Variants in KIF1B observed in about 807,000 individuals in gnomAD.
The protein encoded by KIF1B is kinesin-like protein KIF1B.
A neutral mutation model predicts 241.9 loss-of-function variants in KIF1B; 76 were observed. That is an observed-to-expected ratio of 0.31 (90% CI 0.26 to 0.38). The LOEUF (loss-of-function observed/expected upper bound fraction) is 0.38. Ranked by LOEUF, KIF1B falls within the 10% of genes least tolerant of loss-of-function variation. KIF1B has a pLI of 1.00. For missense variants in KIF1B, 1,622 were observed against 2,271.4 expected, an observed-to-expected ratio of 0.71 and a Z score of 5.81; for synonymous variants, 750 against 796.7, an observed-to-expected ratio of 0.94 and a Z score of 0.99.
intron 2 of KIF1B, among the ~76,000 whole-genome samples, chr1:10,242,095 A>G (rs1020514372): frequency 6.6e-6 from 1 of 152,202 alleles, no homozygotes; most frequent in African/African-American, 2.4e-5. Flanking sequence ...AAGAAATACG[A>G]AGTTAGGTTT....
chr1:10,261,819 G>A (rs983704033), intron 4 of KIF1B, 86 bp from the exon 5 acceptor site: 17 of 823,974 alleles, frequency 2.1e-5, no homozygotes, highest in African/African-American at 3.3e-5. Context: ...AAGAAAGGAC[G>A]TCTGGCTAAT....
At chr1:10,290,990 C>A (rs769396270) in intron 15 of KIF1B, 92 bp from the exon 16 acceptor site, 11 of 947,642 alleles carry the variant, frequency 1.2e-5, no homozygotes, top group African/African-American at 6.4e-5. Flanking sequence ...GGCCTGTATC[C>A]TCAAAGGGCA....
chr1:10,277,541 G>A (rs950191163), intron 12 of KIF1B, among the ~76,000 whole-genome samples: 14 of 152,186 alleles, frequency 9.2e-5, no homozygotes, highest in Admixed American at 8.5e-4. Context: ...GTCTTGTTAG[G>A]TTACTCAGGC....
In KIF1B at chr1:10,376,834, A is replaced by AACACACACACACAC. The variant is rs111663673; in HGVS notation, c.*267_*280dup. On this transcript the variant is annotated 3_prime_UTR_variant, in exon 49 of 49. Transcript: ENST00000676179. ...CTAACAAAAGGAAAAAATGTTTTTA[A>AACACACACACACAC]ACACACACACACACACACACACACA... 3.6e-5 allele frequency: 16 copies of AACACACACACACAC among 442,510 alleles called. No individual in the cohort carries two copies. The highest frequency in any genetic ancestry group is 2.5e-4 in the African/African-American group (12 of 48,808). The allele number at this position is 442,510 out of a possible 1,614,324, so 27.4% of individuals were successfully genotyped here.
At chr1:10,247,708 A>T (rs780454686) in intron 2 of KIF1B, among the ~76,000 whole-genome samples, 6 of 152,192 alleles carry the variant, frequency 3.9e-5, no homozygotes, top group Non-Finnish European at 8.8e-5. Flanking sequence ...AGTTTATTAC[A>T]TGCTTATAGA....
intron 38 of KIF1B, among the ~76,000 whole-genome samples, chr1:10,353,932 A>G (rs1266675470): frequency 6.6e-6 from 1 of 152,214 alleles, no homozygotes; most frequent in Non-Finnish European, 1.5e-5. Flanking sequence ...GCCAATGTTC[A>G]GCCGGGTTTT....
rs1403229338 is a variant in KIF1B, at chr1:10,381,566, G to C, written c.*4979G>C. The C allele has an allele frequency of 2.6e-5, 5 of 194,280 alleles. No individual in the cohort carries two copies. The highest frequency in any genetic ancestry group is 5.4e-5 in the Non-Finnish European group (5 of 92,848). The allele number at this position is 194,280 out of a possible 1,614,324, so 12.0% of individuals were successfully genotyped here. A position where few individuals can be genotyped will look rare whatever the true frequency, so the allele number is the denominator to read the frequency against. Reference sequence around the variant, plus strand: ...TTGCGTCACGGAGCTGTTAGTGAACGAGGTAAAAATAATAAAGGTACAGCC... The same window carrying C: ...TTGCGTCACGGAGCTGTTAGTGAACCAGGTAAAAATAATAAAGGTACAGCC... On this transcript the variant is annotated 3_prime_UTR_variant, in exon 49 of 49. Transcript: ENST00000676179.
In KIF1B at chr1:10,374,287, C is replaced by CT; in HGVS notation, c.4947-25dup. Reference sequence around the variant, plus strand: ...GATTGTAACTGATTCTCTTGTTACCCTTTTCTTTCTAATCTCTCTATTTTA... The same window carrying CT: ...GATTGTAACTGATTCTCTTGTTACCCTTTTTCTTTCTAATCTCTCTATTTTA... On this transcript the variant is annotated intron_variant, in intron 45 of 48. Transcript: ENST00000676179. The surrounding 1 kb of genome is among the most constrained non-coding windows in gnomAD (Gnocchi z 4.3). 6.2e-7 allele frequency: 1 copy of CT among 1,610,034 alleles called. No individual in the cohort carries two copies. Among genetic ancestry groups the CT allele is most frequent in the Non-Finnish European group, 8.5e-7 (1 of 1,176,360 alleles).
intron 9 of KIF1B, 21 bp downstream of exon 9, chr1:10,272,327 T>G (rs753850385): frequency 6.8e-7 from 1 of 1,480,030 alleles, no homozygotes. Context: ...TACTTCATTA[T>G]AAGGGGAGTT....
rs1392935764 is a variant in KIF1B, at chr1:10,296,578, T to A, written c.1778-4T>A. On this transcript the variant is annotated splice_region_variant and splice_polypyrimidine_tract_variant and intron_variant, in intron 19 of 48. Coordinates refer to ENST00000676179, the MANE Select transcript of KIF1B (RefSeq NM_001365951.3). ...TAACATTAGTTTGTGTTTGTTCCTC[T>A]TAGTTATCGTGACCTTAGAGCCCTG... 1 of 1,611,630 alleles carries A rather than the reference T, an allele frequency of 6.2e-7. No individual in the cohort carries two copies. Among genetic ancestry groups the A allele is most frequent in the Non-Finnish European group, 8.5e-7 (1 of 1,177,940 alleles).
chr1:10,217,606 C>T (rs1455366450), intron 1 of KIF1B, among the ~76,000 whole-genome samples: 3 of 152,024 alleles, frequency 2.0e-5, no homozygotes, highest in African/African-American at 7.2e-5. Flanking sequence ...CGTGAGCCAC[C>T]GCACCCAGCT....
At chr1:10,216,966 T>C (rs1397135382) in intron 1 of KIF1B, among the ~76,000 whole-genome samples, 1 of 47,588 alleles carries the variant, frequency 2.1e-5, no homozygotes, top group Non-Finnish European at 4.6e-5. Context: ...TCTTTTTTTT[T>C]TTTTTTTTTT....
At chr1:10,305,144 T>C in intron 22 of KIF1B, 1 of 1,050,792 alleles carries the variant, frequency 9.5e-7, no homozygotes, top group East Asian at 5.6e-5. Context: ...CTCATCCACG[T>C]CTGTTCCCTT....
At position 10,347,745 on chromosome 1, in the gene KIF1B, C is replaced by A; in HGVS notation, c.3798-16C>A. 6.2e-7 allele frequency: 1 copy of A among 1,610,150 alleles called. No homozygotes were observed. The highest frequency in any genetic ancestry group is 8.5e-7 in the Non-Finnish European group (1 of 1,176,918). ...AAGTAGCACTTAGTTTTTTCTTTTG[C>A]GTTTCTATTTTTTAGGTATATCCCA... On this transcript the variant is annotated splice_polypyrimidine_tract_variant and intron_variant, in intron 35 of 48. Transcript: ENST00000676179.
intron 22 of KIF1B, chr1:10,304,487 G>C (rs757997108): frequency 6.2e-7 from 1 of 1,611,522 alleles, no homozygotes; most frequent in Non-Finnish European, 8.5e-7. Flanking sequence ...CAGTCTTACT[G>C]TAATTATAAC....
chr1:10,251,058 G>C (rs11121535), intron 2 of KIF1B, among the ~76,000 whole-genome samples: 49,910 of 151,688 alleles, frequency 0.33, 8,430 homozygotes, highest in Admixed American at 0.37. Flanking sequence ...CCTAGCTACT[G>C]GGGAGGCTGA....
chr1:10,274,256 A>G lies in KIF1B; in HGVS notation c.883-1172A>G, dbSNP rs115975447. Among the ~76,000 whole-genome samples the G allele has an allele frequency of 6.7e-3, 1,024 of 152,160 alleles. 11 individuals are homozygous for G. The highest frequency in any genetic ancestry group is 0.037 in the Middle Eastern group (11 of 294). Reference sequence around the variant, plus strand: ...CCCGGCCTCCCCTTAATATCTTCTTAAAGTGTCACAACGCAGTAGTCAGCC... The same window carrying G: ...CCCGGCCTCCCCTTAATATCTTCTTGAAGTGTCACAACGCAGTAGTCAGCC... On this transcript the variant is annotated intron_variant, in intron 10 of 48. Transcript: ENST00000676179.
At chr1:10,279,911 C>A (rs1649321923) in intron 14 of KIF1B, among the ~76,000 whole-genome samples, 1 of 151,888 alleles carries the variant, frequency 6.6e-6, no homozygotes. Context: ...CTGTGTTTCC[C>A]AGGCTGGTCT....
chr1:10,376,819 G>T lies in KIF1B; in HGVS notation c.*232G>T. 6 of 496,154 alleles carry T rather than the reference G, an allele frequency of 1.2e-5. No individual in the cohort carries two copies. Among genetic ancestry groups the T allele is most frequent in the East Asian group, 3.4e-5 (1 of 29,176 alleles). The allele number at this position is 496,154 out of a possible 1,614,324, so 30.7% of individuals were successfully genotyped here. A position where few individuals can be genotyped will look rare whatever the true frequency, so the allele number is the denominator to read the frequency against. On this transcript the variant is annotated 3_prime_UTR_variant, in exon 49 of 49. Coordinates refer to ENST00000676179, the MANE Select transcript of KIF1B (RefSeq NM_001365951.3). ...TTAGTAGCATGTGGCCTAACAAAAG[G>T]AAAAAATGTTTTTAAACACACACAC...
Sources: gnomAD v4.1 joint callset for allele counts (sites outside exome capture counted in the v4.1 genomes callset) on GRCh38, gnomAD v4.1.1 for gene constraint, Gnocchi (gnomAD v3.1) non-coding constraint, MANE v1.5 for transcripts, NCBI Gene and HGNC (gene_info 2026-07-23, HGNC 2026-07-21) for gene names.